The following ZNF236 variants were observed in gnomAD, a reference collection of about 807,000 sequenced individuals.
ZNF236 encodes the protein zinc finger protein 236, also known as regulated by glucose.
A neutral mutation model predicts 191.2 loss-of-function variants in ZNF236; 50 were observed. The ratio of observed to expected loss-of-function variants is 0.26; its 90% CI spans 0.21 to 0.33. The LOEUF is 0.33. Ranked by LOEUF, ZNF236 falls within the 10% of genes least tolerant of loss-of-function variation. The probability of loss-of-function intolerance (pLI) is 1.00; values close to 1 mark genes in which losing one functional copy is unlikely to be tolerated. For synonymous variants in ZNF236, 907 were observed against 928.8 expected (o/e 0.98, Z 0.43); for missense variants, 1,754 against 2,374.5 (o/e 0.74, Z 5.43).
intron 28 of ZNF236, among the ~76,000 whole-genome samples, chr18:76,958,331 G>A (rs1359411316): frequency 6.6e-6 from 1 of 152,126 alleles, no homozygotes; most frequent in East Asian, 1.9e-4. Flanking sequence ...TGCACCCTTC[G>A]AGGAGTGCAG....
In ZNF236 at chr18:76,905,217, G is replaced by C. The variant is rs1370050857; in HGVS notation, c.2099G>C (p.Gly700Ala). 6.2e-7 allele frequency: 1 copy of C among 1,614,112 alleles called. No homozygotes were observed. The highest frequency in any genetic ancestry group is 2.2e-5 in the East Asian group (1 of 44,876). Residue 700 changes from glycine (G) to alanine (A), a missense_variant, in exon 13 of 31, where the codon GGC (glycine) becomes GCC (alanine). Physicochemically the swap from Gly to Ala is moderately conservative, Grantham distance 60. Coordinates refer to ENST00000320610, the MANE Select transcript of ZNF236 (RefSeq NM_001306089.2). ...TGTGGAAGAGGCTTTGTTTCTGCAG[G>C]CGTGCTCAAAGCACACATCAGAACA... ...SQCGRGFVSAGVLKAHIRTHT... is the reference protein window; with the variant it reads ...SQCGRGFVSAAVLKAHIRTHT...
chr18:76,873,145 A>G (rs1367374818), intron 5 of ZNF236, among the ~76,000 whole-genome samples: 3 of 152,240 alleles, frequency 2.0e-5, no homozygotes, highest in African/African-American at 7.2e-5. Context: ...AGTTTTAATC[A>G]ATGAAAAAAT....
intron 1 of ZNF236, among the ~76,000 whole-genome samples, chr18:76,836,798 C>T (rs1008192942): frequency 3.3e-5 from 5 of 151,870 alleles, no homozygotes; most frequent in South Asian, 2.1e-4. Flanking sequence ...AGGATAGTCT[C>T]GATCTCCTGA....
chr18:76,854,274 T>C (rs1205111219), intron 3 of ZNF236, among the ~76,000 whole-genome samples: 1 of 152,170 alleles, frequency 6.6e-6, no homozygotes, highest in Non-Finnish European at 1.5e-5. Flanking sequence ...TTCAAACTTT[T>C]TTCTATACAT....
chr18:76,879,956 C>A (rs117687188), intron 7 of ZNF236, among the ~76,000 whole-genome samples, 157 bp from the exon 8 acceptor site: 2,549 of 151,354 alleles, frequency 0.017, 30 homozygotes, highest in Middle Eastern at 0.021. Context: ...TGCCAAACAC[C>A]AGAATCAGTG....
intron 22 of ZNF236, among the ~76,000 whole-genome samples, chr18:76,926,143 G>C (rs1233835382): frequency 6.6e-6 from 1 of 152,188 alleles, no homozygotes; most frequent in Admixed American, 6.5e-5. Context: ...CTACTTTTCT[G>C]ATACGTTTAA....
At chr18:76,909,440 CT>C (rs1360300758) in intron 14 of ZNF236, among the ~76,000 whole-genome samples, 17 of 151,808 alleles carry the variant, frequency 1.1e-4, no homozygotes, top group Non-Finnish European at 2.2e-4. Flanking sequence ...CTTTAGTATT[CT>C]ATAAAGTACA....
At chr18:76,902,229 A>G (rs1004194274) in intron 11 of ZNF236, among the ~76,000 whole-genome samples, 3 of 152,090 alleles carry the variant, frequency 2.0e-5, no homozygotes, top group Non-Finnish European at 4.4e-5. Context: ...TAATTTTGTT[A>G]TTTGTATTTG....
Position 76,927,644 on chromosome 18 carries a change from G to C in ZNF236, c.4414+127G>C. On this transcript the variant is annotated intron_variant, in intron 24 of 30. Transcript: ENST00000320610. This position sits in a 1 kb window ranked among gnomAD's most constrained non-coding sequence, Gnocchi z 5.4. ...CTTTGTAGAAGAGAATAAATCAAAT[G>C]TCCTGAGAATAAAATAAGCTTTTCT... The C allele has an allele frequency of 7.9e-7, 1 of 1,265,804 alleles. No homozygotes were observed. The highest frequency in any genetic ancestry group is 1.1e-6 in the Non-Finnish European group (1 of 939,756). The allele number at this position is 1,265,804 out of a possible 1,614,324, so 78.4% of individuals were successfully genotyped here. A position where few individuals can be genotyped will look rare whatever the true frequency, so the allele number is the denominator to read the frequency against.
chr18:76,921,320 G>C (rs1363336160), intron 20 of ZNF236, among the ~76,000 whole-genome samples: 1 of 152,238 alleles, frequency 6.6e-6, no homozygotes, highest in Non-Finnish European at 1.5e-5. Context: ...GCGAGCTCTC[G>C]TTGAGCCATG....
intron 25 of ZNF236, among the ~76,000 whole-genome samples, chr18:76,931,884 G>A (rs929655667): frequency 6.6e-6 from 1 of 151,896 alleles, no homozygotes; most frequent in Non-Finnish European, 1.5e-5. Context: ...ATATCACTTT[G>A]TGAGGAAAAA....
At position 76,880,113 on chromosome 18, in the gene ZNF236, G is replaced by T; in HGVS notation, c.985G>T (p.Ala329Ser). 2 of 1,607,174 alleles carry T rather than the reference G, an allele frequency of 1.2e-6. No homozygotes were observed. Among genetic ancestry groups the T allele is most frequent in the Non-Finnish European group, 1.7e-6 (2 of 1,176,120 alleles). The change falls in exon 8 of 31, where the codon GCC becomes TCC. Residue 329 changes from alanine (A) to serine (S), a missense_variant and splice_region_variant. By Grantham distance (99) the Ala-to-Ser change is moderately conservative. This residue lies in a region of ZNF236 where 336 missense variants were observed against 495.1 expected (regional missense o/e 0.68). Transcript: ENST00000320610. The surrounding 1 kb of genome is among the most constrained non-coding windows in gnomAD (Gnocchi z 5.0). The stretch of plus-strand genomic sequence containing the variant: ...TAATGAAAATGTTTCTGTGTTTCAG[G>T]CCACACTTTTTCAGACGTTACCTCT... Reference protein sequence around the residue: ...SSTETAHVLTATLFQTLPLQQ... With the variant: ...SSTETAHVLTSTLFQTLPLQQ...
chr18:76,827,407 C>T (rs1267564568), intron 1 of ZNF236, among the ~76,000 whole-genome samples: 1 of 152,200 alleles, frequency 6.6e-6, no homozygotes, highest in South Asian at 2.1e-4. Flanking sequence ...AGGATGGTCT[C>T]GAACTCCTGA....
In ZNF236 at chr18:76,915,848, CAGA is replaced by C. The variant is rs1425580978; in HGVS notation, c.3266_3268del (p.Glu1089del). ...TCTGCTGTGTCAGCCACTGGAGAGA[CAGA>C]AGGAGGAGGTATTTTCCATTTGTTG... On this transcript the variant is annotated inframe_deletion, in exon 19 of 31. Transcript: ENST00000320610. 2 of 1,612,206 alleles carry C rather than the reference CAGA, an allele frequency of 1.2e-6. No individual in the cohort carries two copies. Among genetic ancestry groups the C allele is most frequent in the Non-Finnish European group, 1.7e-6 (2 of 1,178,318 alleles).
chr18:76,888,833 C>T (rs1387611344), intron 9 of ZNF236: 2 of 152,388 alleles, frequency 1.3e-5, no homozygotes, highest in Non-Finnish European at 2.9e-5. Context: ...TCTGTCTCCC[C>T]TACCCATGTC....
chr18:76,911,344 C>T (rs1039469406), intron 16 of ZNF236, among the ~76,000 whole-genome samples: 26 of 152,080 alleles, frequency 1.7e-4, no homozygotes, highest in African/African-American at 6.3e-4. Context: ...TAAAATCCAC[C>T]GCGGGTAGCT....
rs777169766 is a variant in ZNF236, at chr18:76,925,402, C to T, written c.3875C>T (p.Ser1292Leu). ...AGAAAGCCTATGACTCGAAGCTCAT[C>T]GGAAGGACTGCAGCCTGTAAACCTC... is the stretch of plus-strand genomic sequence containing the variant. ...KARKPMTRSSSEGLQPVNLLN... is the reference protein window; with the variant it reads ...KARKPMTRSSLEGLQPVNLLN... The change falls in exon 22 of 31, where the codon TCG becomes TTG. Residue 1292 changes from serine to leucine, a missense_variant. Transcript: ENST00000320610. This position sits in a 1 kb window ranked among gnomAD's most constrained non-coding sequence, Gnocchi z 5.7. The T allele has an allele frequency of 6.8e-6, 11 of 1,614,074 alleles. No homozygotes were observed. The highest frequency in any genetic ancestry group is 3.3e-5 in the South Asian group (3 of 91,088).
At chr18:76,865,410 C>T (rs952761439) in intron 3 of ZNF236, among the ~76,000 whole-genome samples, 2 of 152,168 alleles carry the variant, frequency 1.3e-5, no homozygotes, top group African/African-American at 4.8e-5. Context: ...AAGAAACTTA[C>T]TCCAAACATA....
intron 26 of ZNF236, among the ~76,000 whole-genome samples, chr18:76,946,768 G>T: frequency 6.6e-6 from 1 of 152,240 alleles, no homozygotes; most frequent in Middle Eastern, 3.4e-3. Context: ...GAGGTGTGCT[G>T]GGCTGGTAAG....
Sources: allele counts gnomAD v4.1 joint callset (sites outside exome capture counted in the v4.1 genomes callset), GRCh38; gene constraint gnomAD v4.1.1; regional missense constraint gnomAD v4.1.1; non-coding constraint Gnocchi (gnomAD v3.1); transcripts MANE v1.5; gene names NCBI Gene and HGNC (gene_info 2026-07-23, HGNC 2026-07-21).